FANCC: variants seen among roughly 807,000 people sequenced by gnomAD.
FANCC encodes Fanconi anemia group C protein.
A neutral mutation model predicts 71.3 loss-of-function variants in FANCC; 55 were observed. That is an observed-to-expected ratio of 0.77 (90% CI 0.62 to 0.97). FANCC has a LOEUF of 0.97. Ranked by LOEUF, FANCC falls within the 50% of genes least tolerant of loss-of-function variation. FANCC has a pLI of 0.00. For synonymous variants in FANCC, 275 were observed against 244.9 expected, an observed-to-expected ratio of 1.12 and a Z score of -1.15; for missense variants, 678 against 670.9, an observed-to-expected ratio of 1.01 and a Z score of -0.12.
At chr9:95,163,151 T>C (rs1830854200) in intron 6 of FANCC, among the ~76,000 whole-genome samples, 1 of 152,228 alleles carries the variant, frequency 6.6e-6, no homozygotes, top group African/African-American at 2.4e-5. Flanking sequence ...TTTCTCAATG[T>C]GTATATCCAG....
intron 4 of FANCC, among the ~76,000 whole-genome samples, chr9:95,230,003 T>C (rs1245704140): frequency 6.6e-6 from 1 of 152,144 alleles, no homozygotes; most frequent in Non-Finnish European, 1.5e-5. Context: ...AAAAAGAACA[T>C]GAACAAAAAG....
At chr9:95,294,035 T>C (rs1834226488) in intron 1 of FANCC, 7 of 1,601,570 alleles carry the variant, frequency 4.4e-6, no homozygotes, top group African/African-American at 1.3e-5. Flanking sequence ...GCACCAATTA[T>C]AAACTTCAGT....
rs1315064836 is a variant in FANCC, at chr9:95,101,496, T to C, written c.*211A>G. 1 of 626,336 alleles carries C rather than the reference T, an allele frequency of 1.6e-6. No individual in the cohort carries two copies. Among genetic ancestry groups the C allele is most frequent in the African/African-American group, 1.8e-5 (1 of 54,520 alleles). The allele number at this position is 626,336 out of a possible 1,614,324, so 38.8% of individuals were successfully genotyped here. ...ACCGAAGGCTCACTTGAGTCATTAGTGAACATGTCTGACTGAGTCTGGGCT... is the reference window on the plus strand; with the variant it reads ...ACCGAAGGCTCACTTGAGTCATTAGCGAACATGTCTGACTGAGTCTGGGCT... On this transcript the variant is annotated 3_prime_UTR_variant, in exon 15 of 15. Transcript: ENST00000289081.
rs1444550098 is a variant in FANCC, at chr9:95,135,469, G to T, written c.720C>A (p.Val240=). The T allele has an allele frequency of 1.2e-6, 2 of 1,614,050 alleles. No homozygotes were observed. The highest frequency in any genetic ancestry group is 2.2e-5 in the South Asian group (2 of 91,076). ...TGGGAAGGTGCCGAAGCCAGAGGCA[G>T]ACTACAGCTGACATGGGGAGAGAAA... is the stretch of plus-strand genomic sequence containing the variant. ...KKISLPMSAV[V]CLWLRHLPSL... is the part of the protein sequence containing the mutation. Residue 240 remains valine, a synonymous_variant, in exon 8 of 15, where the codon GTC becomes GTA. Transcript: ENST00000289081.
chr9:95,120,682 C>G (rs2072805207), intron 10 of FANCC, among the ~76,000 whole-genome samples: 1 of 152,200 alleles, frequency 6.6e-6, no homozygotes, highest in African/African-American at 2.4e-5. Flanking sequence ...CCCACCTTGG[C>G]CTCCTAAAGT....
chr9:95,300,604 C>T (rs973944339), intron 1 of FANCC, among the ~76,000 whole-genome samples: 3 of 152,150 alleles, frequency 2.0e-5, no homozygotes, highest in African/African-American at 7.2e-5. Flanking sequence ...GCAACTGCCA[C>T]CACGCCTGGC....
chr9:95,103,989 G>A (rs2071251049), intron 14 of FANCC, among the ~76,000 whole-genome samples: 1 of 152,218 alleles, frequency 6.6e-6, no homozygotes, highest in South Asian at 2.1e-4. Context: ...GCTGGGAGGT[G>A]GCTGCGCTCG....
intron 1 of FANCC, among the ~76,000 whole-genome samples, chr9:95,312,005 A>G (rs1168506911): frequency 6.6e-6 from 1 of 152,204 alleles, no homozygotes; most frequent in African/African-American, 2.4e-5. Flanking sequence ...ACTGGATGCC[A>G]TAAGGTCGAC....
At chr9:95,181,135 C>T (rs758093368) in intron 4 of FANCC, among the ~76,000 whole-genome samples, 1 of 142,892 alleles carries the variant, frequency 7.0e-6, no homozygotes. Context: ...TATATATACA[C>T]ATACACACAC....
intron 4 of FANCC, among the ~76,000 whole-genome samples, chr9:95,198,878 C>T (rs1178045550): frequency 3.3e-5 from 5 of 152,054 alleles, no homozygotes; most frequent in Admixed American, 3.3e-4. Flanking sequence ...GCTAGGACAA[C>T]AGGTGTGCGC....
chr9:95,315,687 T>A (rs1450672965), intron 1 of FANCC, among the ~76,000 whole-genome samples: 1 of 152,228 alleles, frequency 6.6e-6, no homozygotes, highest in Non-Finnish European at 1.5e-5. Flanking sequence ...ATAAAACTTT[T>A]AAAAATCATT....
intron 4 of FANCC, among the ~76,000 whole-genome samples, chr9:95,230,918 T>C (rs1224589123): frequency 1.3e-5 from 2 of 151,818 alleles, no homozygotes; most frequent in South Asian, 2.1e-4. Context: ...AGAGTGCTCA[T>C]TGGTCTGTTT....
At chr9:95,208,493 A>G (rs1293180908) in intron 4 of FANCC, among the ~76,000 whole-genome samples, 1 of 152,218 alleles carries the variant, frequency 6.6e-6, no homozygotes, top group East Asian at 1.9e-4. Flanking sequence ...GCCACAGAGT[A>G]GGAGAAAATA....
intron 1 of FANCC, among the ~76,000 whole-genome samples, chr9:95,297,032 T>C (rs1238856524): frequency 2.0e-5 from 3 of 152,218 alleles, no homozygotes; most frequent in African/African-American, 4.8e-5. Flanking sequence ...AAGTGTTACA[T>C]AGTACAGCAG....
At chr9:95,241,620 G>A (rs1830635208) in intron 3 of FANCC, among the ~76,000 whole-genome samples, 1 of 152,156 alleles carries the variant, frequency 6.6e-6, no homozygotes, top group Non-Finnish European at 1.5e-5. Context: ...CCTGGAATCA[G>A]TACTCTCTGC....
chr9:95,156,651 C>T (rs988240130), intron 6 of FANCC, among the ~76,000 whole-genome samples: 46 of 152,146 alleles, frequency 3.0e-4, no homozygotes, highest in Middle Eastern at 3.4e-3. Context: ...AACTTGGATT[C>T]TTAAAAGCTT....
chr9:95,189,688 T>C (rs1371576730), intron 4 of FANCC, among the ~76,000 whole-genome samples: 1 of 152,182 alleles, frequency 6.6e-6, no homozygotes, highest in East Asian at 1.9e-4. Flanking sequence ...ATACATTCAC[T>C]AGGAGCAGAT....
Position 95,240,711 on chromosome 9 carries a change from A to G in FANCC, c.283T>C (p.Cys95Arg). The change falls in exon 4 of 15, where the codon TGT becomes CGT. Residue 95 changes from cysteine (C) to arginine (R), a missense_variant. Physicochemically the swap from Cys to Arg is radical, Grantham distance 180 (BLOSUM62 -3). Coordinates refer to ENST00000289081, the MANE Select transcript of FANCC (RefSeq NM_000136.3). ...ESQKILIWCLCCLINKEPQNS... is the reference protein window; with the variant it reads ...ESQKILIWCLRCLINKEPQNS... ...TGTGGTTCTTTGTTAATTAGACAAC[A>G]TAAGCACCATATTAGAATTTTTTGG... 1 of 1,613,064 alleles carries G rather than the reference A, an allele frequency of 6.2e-7. No individual in the cohort carries two copies. The highest frequency in any genetic ancestry group is 1.1e-5 in the South Asian group (1 of 90,886).
At chr9:95,122,104 T>C (rs1429634722) in intron 10 of FANCC, among the ~76,000 whole-genome samples, 9 of 152,066 alleles carry the variant, frequency 5.9e-5, no homozygotes, top group Non-Finnish European at 1.3e-4. Context: ...GTGATCTGCC[T>C]GCCTCGACCT....
Sources: allele counts gnomAD v4.1 joint callset (sites outside exome capture counted in the v4.1 genomes callset), GRCh38; gene constraint gnomAD v4.1.1; transcripts MANE v1.5; gene names NCBI Gene and HGNC (gene_info 2026-07-23, HGNC 2026-07-21).